CNOT1: variants seen among roughly 807,000 people sequenced by gnomAD.
CNOT1 encodes CCR4-NOT transcription complex subunit 1.
CNOT1 carries 15 observed loss-of-function variants against 273.8 expected under a neutral mutation model. The observed-to-expected ratio is 0.05, with a 90% confidence interval of 0.04 to 0.08. The LOEUF (loss-of-function observed/expected upper bound fraction) is 0.08. CNOT1 is among the 10% of genes least tolerant of loss of function. CNOT1 has a pLI of 1.00. For missense variants in CNOT1, 1,644 were observed against 2,912.2 expected, an observed-to-expected ratio of 0.56 and a Z score of 10.02; for synonymous variants, 1,022 against 1,005.5, an observed-to-expected ratio of 1.02 and a Z score of -0.31.
At chr16:58,571,805 C>T (rs2041284161) in intron 16 of CNOT1, among the ~76,000 whole-genome samples, 1 of 151,734 alleles carries the variant, frequency 6.6e-6, no homozygotes, top group South Asian at 2.1e-4. Context: ...TGGTGAAATC[C>T]CATCTCTACT....
In CNOT1 at chr16:58,537,281, C is replaced by T. The variant is rs2244453; in HGVS notation, c.5415-61G>A. 899,498 of 1,528,194 alleles carry T rather than the reference C, an allele frequency of 0.59. 275,676 individuals are homozygous for T. Among genetic ancestry groups the T allele is most frequent in the East Asian group, 0.97 (42,910 of 44,116 alleles). 94.7% of individuals were successfully genotyped at this position (1,528,194 alleles called of 1,614,324 possible). A position where few individuals can be genotyped will look rare whatever the true frequency, so the allele number is the denominator to read the frequency against. ...TCGTAGTTGTGATTTTACAGACATACGCATGTATAGTTTGCTTATTTAACA... is the reference window on the plus strand; with the variant it reads ...TCGTAGTTGTGATTTTACAGACATATGCATGTATAGTTTGCTTATTTAACA... On this transcript the variant is annotated intron_variant, in intron 38 of 48. Coordinates refer to ENST00000317147, the MANE Select transcript of CNOT1 (RefSeq NM_016284.5).
At chr16:58,628,762 G>C (rs548911425) in intron 1 of CNOT1, among the ~76,000 whole-genome samples, 1 of 152,296 alleles carries the variant, frequency 6.6e-6, no homozygotes, top group East Asian at 1.9e-4. Context: ...TTGTCATAAA[G>C]TTTATTTTAA....
Position 58,551,826 on chromosome 16 carries a change from G to A in CNOT1, c.2971-7C>T, listed in dbSNP as rs760174630. 1.2e-6 allele frequency: 2 copies of A among 1,612,888 alleles called. No individual in the cohort carries two copies. Among genetic ancestry groups the A allele is most frequent in the South Asian group, 2.2e-5 (2 of 91,066 alleles). On this transcript the variant is annotated splice_polypyrimidine_tract_variant and splice_region_variant and intron_variant, in intron 22 of 48. Transcript: ENST00000317147. Reference sequence around the variant, plus strand: ...GCTGTCCATACTCAATATACTAAAAGGGTAGGGAGAGGAAAAAGAGTTAAC... The same window carrying A: ...GCTGTCCATACTCAATATACTAAAAAGGTAGGGAGAGGAAAAAGAGTTAAC...
intron 14 of CNOT1, 94 bp downstream of exon 14, chr16:58,576,369 C>T (rs776197480): frequency 6.4e-7 from 1 of 1,557,384 alleles, no homozygotes; most frequent in Non-Finnish European, 8.7e-7. Context: ...CCTCAGCCTC[C>T]CAAAGTGCTG....
At chr16:58,587,115 C>G (rs868100727) in intron 6 of CNOT1, 86 bp downstream of exon 6, 1 of 1,505,502 alleles carries the variant, frequency 6.6e-7, no homozygotes, top group Non-Finnish European at 9.0e-7. Flanking sequence ...ATCTTACTCT[C>G]TAAGTCTAAA....
chr16:58,523,177 G>T, intron 47 of CNOT1, 193 bp downstream of exon 47: 1 of 398,736 alleles, frequency 2.5e-6, no homozygotes. Context: ...CCTGGGAGGC[G>T]GAGGTTGCAG....
At chr16:58,532,544 G>C (rs1409064407) in intron 40 of CNOT1, 149 bp from the exon 41 acceptor site, 2 of 1,365,368 alleles carry the variant, frequency 1.5e-6, no homozygotes, top group Non-Finnish European at 1.9e-6. Flanking sequence ...GCTGGCAGCC[G>C]ATAGGGTCAT....
Position 58,581,424 on chromosome 16 carries a change from T to C in CNOT1, c.1136A>G (p.Tyr379Cys). 1 of 1,614,106 alleles carries C rather than the reference T, an allele frequency of 6.2e-7. No homozygotes were observed. Among genetic ancestry groups the C allele is most frequent in the Non-Finnish European group, 8.5e-7 (1 of 1,180,008 alleles). ...RDSKGLHNVV[Y>C]GIQRGLGMEV... ...CATACCCAAACCCCTCTGAATGCCA[T>C]AAACCACATTATGAAGTCCTTTACT... Residue 379 changes from tyrosine to cysteine, a missense_variant, in exon 11 of 49, where the codon TAT (tyrosine) becomes TGT (cysteine). Coordinates refer to ENST00000317147, the MANE Select transcript of CNOT1 (RefSeq NM_016284.5).
chr16:58,529,329 CA>C (rs1241161806), intron 43 of CNOT1, among the ~76,000 whole-genome samples: 1 of 152,172 alleles, frequency 6.6e-6, no homozygotes. Flanking sequence ...TTCTGATCCT[CA>C]AAAGACACCT....
chr16:58,627,064 G>C (rs1327207279), intron 1 of CNOT1, among the ~76,000 whole-genome samples: 1 of 151,948 alleles, frequency 6.6e-6, no homozygotes, highest in Admixed American at 6.6e-5. Context: ...AGACGTGTTT[G>C]TTATTACACA....
At chr16:58,607,094 A>G (rs924798807) in intron 1 of CNOT1, among the ~76,000 whole-genome samples, 29 of 152,202 alleles carry the variant, frequency 1.9e-4, no homozygotes, top group Non-Finnish European at 1.3e-4. Flanking sequence ...ACTAAGTGAA[A>G]AGCTGCAGAA....
At chr16:58,521,124 C>G (rs1253115192) in intron 48 of CNOT1, 59 bp downstream of exon 48, 2 of 1,613,136 alleles carry the variant, frequency 1.2e-6, no homozygotes, top group Non-Finnish European at 8.5e-7. Flanking sequence ...AACCTAGAGA[C>G]AGATGGTTTT....
chr16:58,520,930 G>A lies in CNOT1; in HGVS notation c.*28C>T, dbSNP rs2039345475. On this transcript the variant is annotated 3_prime_UTR_variant, in exon 49 of 49. Coordinates refer to ENST00000317147, the MANE Select transcript of CNOT1 (RefSeq NM_016284.5). The stretch of plus-strand genomic sequence containing the variant: ...CTCGGTGCAGTGAGACCTCTAGACT[G>A]ACACGTACAACAGAGATGCAGTTTC... 2.5e-6 allele frequency: 4 copies of A among 1,606,446 alleles called. No individual in the cohort carries two copies. The highest frequency in any genetic ancestry group is 3.4e-6 in the Non-Finnish European group (4 of 1,176,474).
chr16:58,547,289 T>C lies in CNOT1; in HGVS notation c.3647A>G (p.Asp1216Gly), dbSNP rs1188511151. 2 of 1,613,638 alleles carry C rather than the reference T, an allele frequency of 1.2e-6. No homozygotes were observed. The highest frequency in any genetic ancestry group is 2.7e-5 in the African/African-American group (2 of 74,906). The stretch of plus-strand genomic sequence containing the variant: ...AGCCTCTAGCAGCAATGATTTCACA[T>C]CCAAGTCCTAGAATAAGAAAAATAC... ...KNKPILHTDL[D>G]VKSLLLEAYV... Residue 1216 changes from aspartate to glycine, a missense_variant, in exon 27 of 49, where the codon GAT becomes GGT. Coordinates refer to ENST00000317147, the MANE Select transcript of CNOT1 (RefSeq NM_016284.5). This position sits in a 1 kb window ranked among gnomAD's most constrained non-coding sequence, Gnocchi z 4.0.
chr16:58,624,452 CTG>C (rs1024229314), intron 1 of CNOT1, among the ~76,000 whole-genome samples: 1 of 152,218 alleles, frequency 6.6e-6, no homozygotes, highest in Non-Finnish European at 1.5e-5. Flanking sequence ...TTAGTTAATG[CTG>C]TGTTTTCCAG....
intron 19 of CNOT1, 41 bp downstream of exon 19, chr16:58,556,806 A>G: frequency 6.2e-7 from 1 of 1,600,380 alleles, no homozygotes; most frequent in South Asian, 1.1e-5. Context: ...AAACATTTTT[A>G]TCAGTCACAC....
At chr16:58,523,663 G>A (rs930194118) in intron 46 of CNOT1, 161 bp from the exon 47 acceptor site, 31 of 526,770 alleles carry the variant, frequency 5.9e-5, no homozygotes, top group African/African-American at 1.1e-4. Context: ...ATTTCTGTGC[G>A]TTTTATTTCA....
intron 1 of CNOT1, among the ~76,000 whole-genome samples, chr16:58,628,971 G>A (rs1474322215): frequency 6.6e-6 from 1 of 152,244 alleles, no homozygotes. Context: ...GCCTACAAGT[G>A]CTCAGCTCAC....
chr16:58,570,626 A>T (rs1310060882), intron 16 of CNOT1, among the ~76,000 whole-genome samples: 1 of 152,236 alleles, frequency 6.6e-6, no homozygotes, highest in Non-Finnish European at 1.5e-5. Context: ...TCAAAAAAAT[A>T]ACTGCATGAA....
Sources: gnomAD v4.1 joint callset for allele counts (sites outside exome capture counted in the v4.1 genomes callset) on GRCh38, gnomAD v4.1.1 for gene constraint, Gnocchi (gnomAD v3.1) non-coding constraint, MANE v1.5 for transcripts, NCBI Gene and HGNC (gene_info 2026-07-23, HGNC 2026-07-21) for gene names.